NELL1: variants seen among roughly 807,000 people sequenced by gnomAD.
NELL1 encodes neural EGFL like 1.
A neutral mutation model predicts 107.4 loss-of-function variants in NELL1; 76 were observed. That is an observed-to-expected ratio of 0.71 (90% confidence interval 0.59 to 0.86). NELL1 has a LOEUF of 0.86. NELL1 is among the 40% of genes least tolerant of loss of function. The probability of loss-of-function intolerance (pLI) is 0.00; values close to 1 mark genes in which losing one functional copy is unlikely to be tolerated. For synonymous variants in NELL1, 353 were observed against 341.2 expected (o/e 1.03, Z -0.38); for missense variants, 1,024 against 1,005.5 (o/e 1.02, Z -0.25).
chr11:20,895,771 G>T (rs1235943194), intron 5 of NELL1, among the ~76,000 whole-genome samples: 2 of 152,020 alleles, frequency 1.3e-5, no homozygotes, highest in Non-Finnish European at 2.9e-5. Context: ...CTCCCAAAGT[G>T]CTGGGATTAC....
chr11:20,699,038 G>A (rs1564866700), intron 2 of NELL1, among the ~76,000 whole-genome samples: 1 of 152,010 alleles, frequency 6.6e-6, no homozygotes, highest in Non-Finnish European at 1.5e-5. Flanking sequence ...CCAACATGGT[G>A]AAACCCTGTC....
rs545595458 is a variant in NELL1 at position 21,241,060 on chromosome 11, C to T, written c.1549+11606C>T. Among the ~76,000 whole-genome samples the T allele has an allele frequency of 5.3e-5, 8 of 152,088 alleles. No individual in the cohort carries two copies. The East Asian group carries it at 1.4e-3, about 26-fold the overall frequency. On this transcript the variant is annotated intron_variant, in intron 14 of 19. Transcript: ENST00000357134. ...AAATGACCCATAAGATTAGCAAAGC[C>T]GTATACATATATCAGTCAGTTTTAT...
At chr11:21,093,802 A>C (rs1325133049) in intron 12 of NELL1, among the ~76,000 whole-genome samples, 1 of 152,172 alleles carries the variant, frequency 6.6e-6, no homozygotes, top group Non-Finnish European at 1.5e-5. Flanking sequence ...TGCATGGGAA[A>C]GACTTGCCCC....
chr11:21,549,636 G>A (rs1856528419), intron 16 of NELL1, among the ~76,000 whole-genome samples: 1 of 151,686 alleles, frequency 6.6e-6, no homozygotes, highest in Non-Finnish European at 1.5e-5. Flanking sequence ...GAGTACATTG[G>A]CCCCCATCTG....
At chr11:21,354,986 C>T (rs980785592) in intron 14 of NELL1, among the ~76,000 whole-genome samples, 1 of 152,156 alleles carries the variant, frequency 6.6e-6, no homozygotes. Flanking sequence ...CCCTTTCAGG[C>T]TCCCATTTCC....
At chr11:21,190,018 C>T (rs1857015750) in intron 13 of NELL1, among the ~76,000 whole-genome samples, 1 of 151,698 alleles carries the variant, frequency 6.6e-6, no homozygotes, top group South Asian at 2.1e-4. Flanking sequence ...CAATTCAATT[C>T]ACAAGACACA....
At chr11:20,696,322 G>A (rs956101711) in intron 2 of NELL1, among the ~76,000 whole-genome samples, 2 of 151,706 alleles carry the variant, frequency 1.3e-5, no homozygotes, top group Non-Finnish European at 2.9e-5. Flanking sequence ...TGCTAGCTTT[G>A]GGGTTAGTTT....
intron 14 of NELL1, among the ~76,000 whole-genome samples, chr11:21,248,157 C>T (rs1858541910): frequency 6.6e-6 from 1 of 152,008 alleles, no homozygotes; most frequent in Admixed American, 6.6e-5. Flanking sequence ...CCAACCTGAG[C>T]AACATGACAA....
chr11:21,093,076 G>A (rs920884798), intron 12 of NELL1, among the ~76,000 whole-genome samples: 2 of 152,176 alleles, frequency 1.3e-5, no homozygotes, highest in Non-Finnish European at 2.9e-5. Context: ...TGGTTCAGGG[G>A]TGGGAGGAGG....
At chr11:20,898,585 T>A (rs1849803121) in intron 5 of NELL1, among the ~76,000 whole-genome samples, 1 of 151,624 alleles carries the variant, frequency 6.6e-6, no homozygotes. Context: ...AAAAAAGTGT[T>A]CTCTTTTCAC....
At chr11:20,701,799 G>C (rs1051279308) in intron 2 of NELL1, among the ~76,000 whole-genome samples, 2 of 152,112 alleles carry the variant, frequency 1.3e-5, no homozygotes, top group Admixed American at 6.5e-5. Context: ...TGTCAGGTTT[G>C]TCAAAGATCA....
At chr11:21,058,976 A>G (rs1853673731) in intron 12 of NELL1, among the ~76,000 whole-genome samples, 1 of 152,094 alleles carries the variant, frequency 6.6e-6, no homozygotes, top group African/African-American at 2.4e-5. Context: ...TTGAATATGG[A>G]CTCAGAGCCA....
At chr11:21,487,141 A>G (rs10833549) in intron 15 of NELL1, among the ~76,000 whole-genome samples, 48,692 of 152,094 alleles carry the variant, frequency 0.32, 9,176 homozygotes, top group Middle Eastern at 0.44. Context: ...ACAAAACTCC[A>G]TAAAGGTCTT....
chr11:20,875,011 T>C (rs1849275874), intron 4 of NELL1, among the ~76,000 whole-genome samples: 1 of 152,214 alleles, frequency 6.6e-6, no homozygotes, highest in Admixed American at 6.5e-5. Flanking sequence ...AGTATGTCTG[T>C]TTATTATCTG....
chr11:20,945,925 T>C (rs1287364811), intron 10 of NELL1, among the ~76,000 whole-genome samples: 1 of 152,120 alleles, frequency 6.6e-6, no homozygotes, highest in African/African-American at 2.4e-5. Context: ...AAGAGTTACC[T>C]TGGGAAAGAT....
chr11:20,974,028 G>T (rs971101609), intron 12 of NELL1, among the ~76,000 whole-genome samples: 2 of 152,188 alleles, frequency 1.3e-5, no homozygotes, highest in African/African-American at 4.8e-5. Context: ...AAGTTTACTT[G>T]TTTAGGCTCG....
chr11:20,699,001 G>A lies in NELL1; in HGVS notation c.184+20941G>A, dbSNP rs560952846. 2.0e-5 allele frequency among the ~76,000 whole-genome samples: 3 copies of A among 152,206 alleles called. No individual in the cohort carries two copies. In the South Asian group the frequency reaches 6.2e-4, roughly 32 times the overall value. On this transcript the variant is annotated intron_variant, in intron 2 of 19. Coordinates refer to ENST00000357134, the MANE Select transcript of NELL1 (RefSeq NM_006157.5). ...GGAGGCCGAGGTGGGCAGATCACCT[G>A]AGGTCAGGAGTTTGAGACCAGCCTG... is the stretch of plus-strand genomic sequence containing the variant.
intron 2 of NELL1, among the ~76,000 whole-genome samples, chr11:20,754,704 A>C (rs1324385510): frequency 6.6e-6 from 1 of 152,266 alleles, no homozygotes; most frequent in Non-Finnish European, 1.5e-5. Flanking sequence ...AAGAAAAGAC[A>C]GTTCCAAGAA....
chr11:21,552,030 C>T (rs202112338), intron 16 of NELL1, among the ~76,000 whole-genome samples: 17,469 of 144,590 alleles, frequency 0.12, 1,065 homozygotes, highest in Middle Eastern at 0.18. Flanking sequence ...AGTAAACTAT[C>T]GCAAGAACAA....
Sources: allele counts gnomAD v4.1 joint callset (sites outside exome capture counted in the v4.1 genomes callset), GRCh38; gene constraint gnomAD v4.1.1; transcripts MANE v1.5; gene names NCBI Gene and HGNC (gene_info 2026-07-23, HGNC 2026-07-21).